CNTN5: variants seen among roughly 807,000 people sequenced by gnomAD.
CNTN5 encodes contactin 5.
CNTN5 carries 77 observed loss-of-function variants against 129.1 expected under a neutral mutation model. The ratio of observed to expected loss-of-function variants is 0.60; its 90% confidence interval spans 0.50 to 0.72. CNTN5 has a LOEUF of 0.72. CNTN5 is among the 30% of genes least tolerant of loss of function. CNTN5 has a pLI of 0.00. For missense variants in CNTN5, 1,478 were observed against 1,328.8 expected (o/e 1.11, Z -1.75); for synonymous variants, 509 against 465.6 (o/e 1.09, Z -1.20).
chr11:99,089,368 A>G (rs2135311076), intron 1 of CNTN5, among the ~76,000 whole-genome samples: 1 of 152,362 alleles, frequency 6.6e-6, no homozygotes, highest in East Asian at 1.9e-4. Flanking sequence ...TATAACTATA[A>G]GCACTTTATA....
Position 99,320,492 on chromosome 11 carries a change from A to T in CNTN5, c.-209-4854A>T, listed in dbSNP as rs992617992. 3.3e-5 allele frequency among the ~76,000 whole-genome samples: 5 copies of T among 152,302 alleles called. No homozygotes were observed. The Middle Eastern group carries it at 0.01, about 311-fold the overall frequency. ...TGGAAGTTTTTTGTGTATAGGTGGCATATTGAAGCCATGGATTGCCTAGGA... is the reference window on the plus strand; with the variant it reads ...TGGAAGTTTTTTGTGTATAGGTGGCTTATTGAAGCCATGGATTGCCTAGGA... On this transcript the variant is annotated intron_variant, in intron 1 of 24. Transcript: ENST00000524871.
At chr11:99,640,667 C>T (rs1436114000) in intron 3 of CNTN5, among the ~76,000 whole-genome samples, 2 of 152,164 alleles carry the variant, frequency 1.3e-5, no homozygotes, top group Non-Finnish European at 2.9e-5. Context: ...CAGTATTCTA[C>T]ACAGTAATGC....
intron 1 of CNTN5, among the ~76,000 whole-genome samples, chr11:99,159,292 C>A (rs986059829): frequency 6.6e-6 from 1 of 152,128 alleles, no homozygotes; most frequent in African/African-American, 2.4e-5. Flanking sequence ...TTATCAATTT[C>A]AAAAGGGGCA....
chr11:100,137,494 C>T (rs976933052), intron 13 of CNTN5, among the ~76,000 whole-genome samples: 6 of 151,996 alleles, frequency 3.9e-5, no homozygotes, highest in Non-Finnish European at 7.4e-5. Context: ...ATTTAAATAC[C>T]TAGATGATAA....
chr11:99,631,522 C>G lies in CNTN5; in HGVS notation c.55+75253C>G, dbSNP rs139759103. On this transcript the variant is annotated intron_variant, in intron 3 of 24. Transcript: ENST00000524871. ...GTTAAACCAAACTGTTTATTATAGACTAAAGTTTATTGTATTCTATTTATT... is the reference window on the plus strand; with the variant it reads ...GTTAAACCAAACTGTTTATTATAGAGTAAAGTTTATTGTATTCTATTTATT... Among the ~76,000 whole-genome samples, 1,207 of 151,990 alleles carry G rather than the reference C, an allele frequency of 7.9e-3. 9 individuals are homozygous for G. The highest frequency in any genetic ancestry group is 0.013 in the Non-Finnish European group (903 of 67,926).
chr11:99,677,754 A>G (rs79544904), intron 3 of CNTN5, among the ~76,000 whole-genome samples: 7,455 of 152,202 alleles, frequency 0.049, 611 homozygotes, highest in African/African-American at 0.17. Context: ...TGGTGATTAC[A>G]GTATAAATAC....
intron 20 of CNTN5, among the ~76,000 whole-genome samples, chr11:100,299,872 T>G (rs1260194231): frequency 6.6e-6 from 1 of 151,500 alleles, no homozygotes; most frequent in African/African-American, 2.4e-5. Context: ...TGGAACCTTT[T>G]CAAACACATC....
At position 99,072,931 on chromosome 11, in the gene CNTN5, C is replaced by G. The variant is rs576199600; in HGVS notation, c.-210+51661C>G. On this transcript the variant is annotated intron_variant, in intron 1 of 24. Coordinates refer to ENST00000524871, the MANE Select transcript of CNTN5 (RefSeq NM_014361.4). ...AATGATCACCATTTGACTTCTATCACTCTATATTAGTTTTGCCTGTTTTTG... is the reference window on the plus strand; with the variant it reads ...AATGATCACCATTTGACTTCTATCAGTCTATATTAGTTTTGCCTGTTTTTG... Among the ~76,000 whole-genome samples the G allele has an allele frequency of 3.9e-5, 6 of 152,248 alleles. No homozygotes were observed. In the East Asian group the frequency reaches 9.7e-4, roughly 24 times the overall value.
rs540703295 is a variant in CNTN5, at chr11:100,125,757, T to G, written c.1580+51463T>G. Among the ~76,000 whole-genome samples, 8 of 152,254 alleles carry G rather than the reference T, an allele frequency of 5.3e-5. No homozygotes were observed. In the East Asian group the frequency reaches 1.5e-3, roughly 29 times the overall value. On this transcript the variant is annotated intron_variant, in intron 13 of 24. Transcript: ENST00000524871. ...TTGCTTATCCTTTCAAATAACCAACTTTTGGTTTTACTGATTATTTGGATG... is the reference window on the plus strand; with the variant it reads ...TTGCTTATCCTTTCAAATAACCAACGTTTGGTTTTACTGATTATTTGGATG...
chr11:100,297,125 A>C (rs755809060), intron 18 of CNTN5, among the ~76,000 whole-genome samples: 1 of 151,470 alleles, frequency 6.6e-6, no homozygotes, highest in Non-Finnish European at 1.5e-5. Context: ...TAAAATGTTT[A>C]TTCATTTAAG....
chr11:99,253,686 G>A (rs1565440275), intron 1 of CNTN5, among the ~76,000 whole-genome samples: 1 of 151,520 alleles, frequency 6.6e-6, no homozygotes, highest in Non-Finnish European at 1.5e-5. Flanking sequence ...CACTCTGATA[G>A]CATTATCCCT....
intron 1 of CNTN5, among the ~76,000 whole-genome samples, chr11:99,142,491 C>T (rs1940504): frequency 0.9 from 137,018 of 151,988 alleles, 61,977 homozygotes; most frequent in East Asian, 0.99. Flanking sequence ...ATGGTAGTAG[C>T]TGCTGGGGAG....
At chr11:99,251,869 A>G (rs1476000879) in intron 1 of CNTN5, among the ~76,000 whole-genome samples, 1 of 152,054 alleles carries the variant, frequency 6.6e-6, no homozygotes, top group Non-Finnish European at 1.5e-5. Context: ...TCGTGAGGAA[A>G]ACAGTGAGAG....
chr11:100,164,028 G>A (rs1310467110), intron 13 of CNTN5, among the ~76,000 whole-genome samples: 1 of 151,722 alleles, frequency 6.6e-6, no homozygotes, highest in Non-Finnish European at 1.5e-5. Flanking sequence ...AACCACAAAG[G>A]TGAGTTTGAA....
chr11:99,568,469 G>A (rs1470175875), intron 3 of CNTN5, among the ~76,000 whole-genome samples: 1 of 152,160 alleles, frequency 6.6e-6, no homozygotes, highest in Non-Finnish European at 1.5e-5. Context: ...CTTAGCACGA[G>A]CATCTGGGGA....
chr11:99,267,964 C>T (rs1412314029), intron 1 of CNTN5, among the ~76,000 whole-genome samples: 2 of 147,264 alleles, frequency 1.4e-5, no homozygotes, highest in African/African-American at 2.6e-5. Flanking sequence ...ACACATTATA[C>T]AAAGGATCAA....
At chr11:99,766,678 T>G (rs1944766928) in intron 3 of CNTN5, among the ~76,000 whole-genome samples, 1 of 152,220 alleles carries the variant, frequency 6.6e-6, no homozygotes, top group South Asian at 2.1e-4. Flanking sequence ...TAACTTATTT[T>G]TTCATCATTT....
intron 1 of CNTN5, among the ~76,000 whole-genome samples, chr11:99,149,236 T>G (rs1275531151): frequency 6.6e-6 from 1 of 152,042 alleles, no homozygotes. Context: ...AAATCTTGTG[T>G]GTCATCAACA....
At chr11:99,105,071 A>G (rs888059327) in intron 1 of CNTN5, among the ~76,000 whole-genome samples, 2 of 152,166 alleles carry the variant, frequency 1.3e-5, no homozygotes, top group Non-Finnish European at 2.9e-5. Context: ...CACTAAAAGA[A>G]GTTTAGCATT....
Sources: allele counts gnomAD v4.1 joint callset (sites outside exome capture counted in the v4.1 genomes callset), GRCh38; gene constraint gnomAD v4.1.1; transcripts MANE v1.5; gene names NCBI Gene and HGNC (gene_info 2026-07-23, HGNC 2026-07-21).